Variants in ANO7 observed in about 807,000 individuals in gnomAD.
ANO7 encodes anoctamin-7.
In ANO7, 114 loss-of-function variants were observed where a neutral mutation model predicts 115.8. The observed-to-expected ratio is 0.98, with a 90% CI of 0.85 to 1.15. The LOEUF is 1.15. Ranked by LOEUF, ANO7 falls within the 50% of genes most tolerant of loss-of-function variation. The probability of loss-of-function intolerance (pLI) is 0.00; values close to 1 mark genes in which losing one functional copy is unlikely to be tolerated. For missense variants in ANO7, 1,302 were observed against 1,201.2 expected (o/e 1.08, Z -1.24); for synonymous variants, 550 against 498.2 (o/e 1.10, Z -1.38).
At position 241,225,733 on chromosome 2, in the gene ANO7, C is replaced by CCTAAGGGT. The variant is rs2069148573; in HGVS notation, c.*1581_*1582insTAAGGGTC. Among the ~76,000 whole-genome samples the CCTAAGGGT allele has an allele frequency of 6.6e-6, 1 of 152,188 alleles. No homozygotes were observed. The highest frequency in any genetic ancestry group is 2.4e-5 in the African/African-American group (1 of 41,460). Reference sequence around the variant, plus strand: ...TCACCTGCCTCTTAGGAGCACTGTGCCCTGCCTCCATGGAAGGGCTCTTCC... The same window carrying CCTAAGGGT: ...TCACCTGCCTCTTAGGAGCACTGTGCCTAAGGGTCCTGCCTCCATGGAAGGGCTCTTCC... On this transcript the variant is annotated 3_prime_UTR_variant, in exon 25 of 25. Transcript: ENST00000674324.
the ANO7 span, among the ~76,000 whole-genome samples, chr2:241,239,169 C>G: frequency 6.6e-6 from 1 of 152,188 alleles, no homozygotes; most frequent in African/African-American, 2.4e-5. The surrounding 1 kb of genome is among the most constrained non-coding windows in gnomAD (Gnocchi z 4.6). Flanking sequence ...AAGACTGCTT[C>G]TAAAGACCAC....
downstream of ANO7, chr2:241,227,144 C>G (rs566825778): frequency 6.6e-6 from 1 of 151,716 alleles, no homozygotes; most frequent in South Asian, 2.1e-4. Flanking sequence ...AGTGTGGCTC[C>G]CGAGGGGCCG....
At position 241,224,504 on chromosome 2, in the gene ANO7, C is replaced by G. The variant is rs778041371; in HGVS notation, c.*351C>G. On this transcript the variant is annotated 3_prime_UTR_variant, in exon 25 of 25. Coordinates refer to ENST00000674324, the MANE Select transcript of ANO7 (RefSeq NM_001370694.2). ...AGGCAGGTGGGCTTTGTGGTCCTCG[C>G]CGCCCCTGGCCACATCGCCCTCTCC... 83 of 306,792 alleles carry G rather than the reference C, an allele frequency of 2.7e-4. No individual in the cohort carries two copies. The highest frequency in any genetic ancestry group is 3.9e-4 in the Non-Finnish European group (63 of 161,588). The allele number at this position is 306,792 out of a possible 1,614,324, so 19.0% of individuals were successfully genotyped here. A position where few individuals can be genotyped will look rare whatever the true frequency, so the allele number is the denominator to read the frequency against.
intron 1 of ANO7, among the ~76,000 whole-genome samples, chr2:241,189,336 T>C (rs953075145): frequency 6.6e-6 from 1 of 152,164 alleles, no homozygotes; most frequent in Non-Finnish European, 1.5e-5. Context: ...TCCGACCTCC[T>C]GCGGCGCCTC....
At chr2:241,239,860 C>G in the ANO7 span, 20 of 1,611,972 alleles carry the variant, frequency 1.2e-5, no homozygotes, top group Non-Finnish European at 1.7e-5. The surrounding 1 kb of genome is among the most constrained non-coding windows in gnomAD (Gnocchi z 4.6). Context: ...GCCACCCCAT[C>G]ACGGCCCCAG....
chr2:241,223,705 CT>C lies in ANO7; in HGVS notation c.2457del (p.Asp820ThrfsTer10), dbSNP rs1479152497. On this transcript the variant is annotated frameshift_variant, in exon 23 of 25. Coordinates refer to ENST00000674324, the MANE Select transcript of ANO7 (RefSeq NM_001370694.2). LOFTEE classifies it high-confidence loss of function. ...GGCCGCCTCCTGGACCTCCTGGTGC[CT>C]GACATCCCAGAGTCTGTGGAGATCA... ...SVGRLLDLLV[P>X]DIPESVEIKV... The C allele has an allele frequency of 1.9e-6, 3 of 1,614,078 alleles. No homozygotes were observed.
chr2:241,228,888 C>G, downstream of ANO7: 1 of 152,960 alleles, frequency 6.5e-6, no homozygotes, highest in Non-Finnish European at 1.5e-5. Context: ...CAGATGGTGC[C>G]TACCACCTTG....
chr2:241,232,147 C>T, the ANO7 span, among the ~76,000 whole-genome samples: 9 of 152,346 alleles, frequency 5.9e-5, no homozygotes, highest in African/African-American at 2.2e-4. Flanking sequence ...CACCCGCGTG[C>T]TGCCAGGTAC....
the ANO7 span, chr2:241,236,711 C>T: frequency 6.2e-7 from 1 of 1,614,116 alleles, no homozygotes; most frequent in Non-Finnish European, 8.5e-7. Context: ...AATCTTTAGC[C>T]TCTCTCCCCT....
downstream of ANO7, among the ~76,000 whole-genome samples, chr2:241,226,294 C>A (rs1275603836): frequency 1.3e-5 from 2 of 152,140 alleles, no homozygotes; most frequent in Admixed American, 1.3e-4. Flanking sequence ...CCGTGCCGAG[C>A]ATCCATCTCA....
downstream of ANO7, among the ~76,000 whole-genome samples, chr2:241,226,009 A>G (rs147705699): frequency 4.0e-3 from 615 of 152,242 alleles, 1 homozygote; most frequent in Admixed American, 8.8e-3. Flanking sequence ...ACGTACGAAA[A>G]TGCTCAGTTC....
chr2:241,207,100 G>A (rs563181139), intron 10 of ANO7, among the ~76,000 whole-genome samples: 42 of 129,340 alleles, frequency 3.2e-4, no homozygotes, highest in Non-Finnish European at 5.3e-4. Context: ...GTAGACAGGA[G>A]TGCTCCCAGT....
chr2:241,204,443 G>A (rs1198882067), intron 9 of ANO7, among the ~76,000 whole-genome samples: 1 of 148,688 alleles, frequency 6.7e-6, no homozygotes, highest in Admixed American at 6.6e-5. Flanking sequence ...TGGGTGGTGG[G>A]GAGGGAGGTA....
intron 3 of ANO7, among the ~76,000 whole-genome samples, chr2:241,194,810 G>T (rs1436687340): frequency 3.3e-5 from 5 of 152,368 alleles, no homozygotes; most frequent in African/African-American, 1.2e-4. Flanking sequence ...TATAGGGAAA[G>T]ACAGTATATA....
At position 241,209,612 on chromosome 2, in the gene ANO7, G is replaced by A. The variant is rs530027067; in HGVS notation, c.1336G>A (p.Gly446Ser). 4.8e-5 allele frequency: 76 copies of A among 1,579,798 alleles called. 1 individual carries two copies. The South Asian group carries it at 5.8e-4, about 12-fold the overall frequency. The change falls in exon 13 of 25, where the codon GGC becomes AGC. Residue 446 changes from glycine (G) to serine (S), a missense_variant. Coordinates refer to ENST00000674324, the MANE Select transcript of ANO7 (RefSeq NM_001370694.2). ...ERSRARRMLA[G>S]SVVIVVMVAV... ...GAGCCGCGCGCGCCGCATGCTGGCC[G>A]GCTCTGTGGTGATCGTGGTGATGGT...
chr2:241,229,868 G>A (rs771691256), downstream of ANO7: 5 of 1,466,192 alleles, frequency 3.4e-6, no homozygotes, highest in South Asian at 1.2e-5. Context: ...GGTGCGTCCC[G>A]CACCACAAAG....
chr2:241,235,386 CAGG>C, the ANO7 span: 26 of 1,465,396 alleles, frequency 1.8e-5, no homozygotes, highest in Middle Eastern at 1.8e-4. Flanking sequence ...CCAGTCCGAG[CAGG>C]AGGAGGCAGA....
the ANO7 span, chr2:241,236,503 C>T: frequency 1.9e-6 from 2 of 1,065,004 alleles, no homozygotes; most frequent in Non-Finnish European, 2.8e-6. Flanking sequence ...AGGGCTACCT[C>T]CACTGCCACT....
chr2:241,191,098 G>A (rs1283423286), intron 2 of ANO7, 96 bp from the exon 3 acceptor site: 48 of 1,381,810 alleles, frequency 3.5e-5, no homozygotes, highest in Non-Finnish European at 2.0e-6. Flanking sequence ...GGGACGGGTT[G>A]GAGGCGAGGA....
Sources: allele counts gnomAD v4.1 joint callset (sites outside exome capture counted in the v4.1 genomes callset), GRCh38; gene constraint gnomAD v4.1.1; non-coding constraint Gnocchi (gnomAD v3.1); transcripts MANE v1.5; gene names NCBI Gene and HGNC (gene_info 2026-07-23, HGNC 2026-07-21).